The following TNFRSF10A variants were observed in gnomAD, a reference collection of about 807,000 sequenced individuals.
The protein encoded by TNFRSF10A is tumor necrosis factor receptor superfamily member 10A.
Under a neutral mutation model 42.8 loss-of-function variants are expected in TNFRSF10A, and 44 were observed. The ratio of observed to expected loss-of-function variants is 1.03; its 90% CI spans 0.81 to 1.32. The LOEUF is 1.32. Ranked by LOEUF, TNFRSF10A falls within the 40% of genes most tolerant of loss-of-function variation. The pLI is 0.00. For synonymous variants in TNFRSF10A, 259 were observed against 234.2 expected (o/e 1.11, Z -0.97); for missense variants, 680 against 602.0 (o/e 1.13, Z -1.36).
At chr8:23,207,090 C>T in intron 2 of TNFRSF10A, 1 of 540,962 alleles carries the variant, frequency 1.8e-6, no homozygotes, top group South Asian at 1.6e-5. Context: ...GGAGAGCACC[C>T]CCAGGAGAAA....
chr8:23,224,876 G>T lies in TNFRSF10A; in HGVS notation c.186C>A (p.His62Gln), dbSNP rs763963313. ...CTGCCCGGGCCCGGGCACTGGGTCC[G>T]TGCTGTCCCATGGAGGTAGGGAGCG... ...RGALPTSMGQHGPSARARAGR... is the reference protein window; with the variant it reads ...RGALPTSMGQQGPSARARAGR... The change falls in exon 1 of 10, where the codon CAC becomes CAA. Residue 62 changes from histidine (H) to glutamine (Q), a missense_variant. Physicochemically the swap from His to Gln is conservative, Grantham distance 24. Transcript: ENST00000221132. The T allele has an allele frequency of 6.3e-7, 1 of 1,581,576 alleles. No individual in the cohort carries two copies. The highest frequency in any genetic ancestry group is 1.1e-5 in the South Asian group (1 of 87,040).
chr8:23,192,043 G>C, intron 9 of TNFRSF10A, 30 bp from the exon 10 acceptor site: 2 of 1,590,380 alleles, frequency 1.3e-6, no homozygotes, highest in Non-Finnish European at 1.7e-6. Flanking sequence ...GAGACAGCCA[G>C]ATGAGTTGGG....
In TNFRSF10A at chr8:23,225,045, GC is replaced by G; in HGVS notation, c.16del (p.Ala6LeufsTer5). 1 of 1,533,058 alleles carries G rather than the reference GC, an allele frequency of 6.5e-7. No homozygotes were observed. Among genetic ancestry groups the G allele is most frequent in the Non-Finnish European group, 8.8e-7 (1 of 1,139,712 alleles). 95.0% of individuals were successfully genotyped at this position (1,533,058 alleles called of 1,614,324 possible). A position where few individuals can be genotyped will look rare whatever the true frequency, so the allele number is the denominator to read the frequency against. On this transcript the variant is annotated frameshift_variant, in exon 1 of 10. Coordinates refer to ENST00000221132, the MANE Select transcript of TNFRSF10A (RefSeq NM_003844.4). LOFTEE classifies it high-confidence loss of function. MAPPP[A>X]RVHLGAFLAV... ...CAGGAACGCACCTAGATGTACTCTA[GC>G]TGGTGGTGGCGCCATCCTGCCAGGT...
chr8:23,191,637 A>AT lies in TNFRSF10A; in HGVS notation c.*56_*57insA. The AT allele has an allele frequency of 6.8e-7, 1 of 1,479,732 alleles. No individual in the cohort carries two copies. Among genetic ancestry groups the AT allele is most frequent in the Non-Finnish European group, 8.9e-7 (1 of 1,122,610 alleles). 91.7% of individuals were successfully genotyped at this position (1,479,732 alleles called of 1,614,324 possible). A position where few individuals can be genotyped will look rare whatever the true frequency, so the allele number is the denominator to read the frequency against. ...TGTATACATGTTAAAAAAAAAAAAA[A>AT]CCTAATATGTATTAACTCCTAACAC... is the stretch of plus-strand genomic sequence containing the variant. On this transcript the variant is annotated 3_prime_UTR_variant, in exon 10 of 10. Coordinates refer to ENST00000221132, the MANE Select transcript of TNFRSF10A (RefSeq NM_003844.4).
chr8:23,224,787 A>G lies in TNFRSF10A; in HGVS notation c.275T>C (p.Phe92Ser), dbSNP rs1384624344. 24 of 1,569,512 alleles carry G rather than the reference A, an allele frequency of 1.5e-5. No homozygotes were observed. The highest frequency in any genetic ancestry group is 4.0e-5 in the African/African-American group (3 of 74,078). Reference protein sequence around the residue: ...ASPRLRVHKTFKFVVVGVLLQ... With the variant: ...ASPRLRVHKTSKFVVVGVLLQ... ...CAGGACCCCGACGACGACAAACTTG[A>G]AGGTCTTGTGGACCCGGAGCCGAGG... Residue 92 changes from phenylalanine (F) to serine (S), a missense_variant, in exon 1 of 10, where the codon TTC becomes TCC. Transcript: ENST00000221132.
chr8:23,223,752 T>G (rs1251746430), intron 1 of TNFRSF10A, among the ~76,000 whole-genome samples: 1 of 152,240 alleles, frequency 6.6e-6, no homozygotes, highest in Non-Finnish European at 1.5e-5. Context: ...TGGTAGAGCC[T>G]TAATGAACTT....
intron 8 of TNFRSF10A, among the ~76,000 whole-genome samples, chr8:23,197,496 G>T (rs1800843077): frequency 6.6e-6 from 1 of 152,084 alleles, no homozygotes; most frequent in Non-Finnish European, 1.5e-5. Flanking sequence ...CTCCTTATGA[G>T]AATCTTATGC....
At chr8:23,208,042 T>C (rs1050596395) in intron 2 of TNFRSF10A, among the ~76,000 whole-genome samples, 9 of 151,972 alleles carry the variant, frequency 5.9e-5, no homozygotes, top group Admixed American at 3.3e-4. Flanking sequence ...CAGACGAAGA[T>C]AGGAAAATGT....
chr8:23,203,641 G>A (rs1374461280), intron 2 of TNFRSF10A, among the ~76,000 whole-genome samples: 2 of 152,210 alleles, frequency 1.3e-5, no homozygotes, highest in East Asian at 3.8e-4. Context: ...GATATTGAAA[G>A]ATACTCTTAG....
At chr8:23,198,703 A>G (rs1225330711) in intron 8 of TNFRSF10A, among the ~76,000 whole-genome samples, 4 of 152,202 alleles carry the variant, frequency 2.6e-5, no homozygotes, top group Admixed American at 2.6e-4. Flanking sequence ...GGCTGTGTGC[A>G]TGTGTGTACC....
At chr8:23,195,965 TTTG>T (rs1327170451) in intron 9 of TNFRSF10A, among the ~76,000 whole-genome samples, 29 of 152,266 alleles carry the variant, frequency 1.9e-4, no homozygotes, top group Non-Finnish European at 3.7e-4. Flanking sequence ...AAAAGGTTTT[TTTG>T]TTGTTGTTGT....
intron 1 of TNFRSF10A, among the ~76,000 whole-genome samples, chr8:23,219,393 T>C (rs1483996814): frequency 2.2e-5 from 3 of 135,504 alleles, no homozygotes; most frequent in African/African-American, 8.1e-5. Context: ...TGGACTCTGC[T>C]AAGGAACCCT....
At chr8:23,217,892 G>A (rs1418440247) in intron 1 of TNFRSF10A, among the ~76,000 whole-genome samples, 1 of 152,218 alleles carries the variant, frequency 6.6e-6, no homozygotes, top group Admixed American at 6.5e-5. Context: ...GGCTGCCCAG[G>A]CAGAGGTGAC....
In TNFRSF10A at chr8:23,191,949, C is replaced by T; in HGVS notation, c.1152G>A (p.Met384Ile). The change falls in exon 10 of 10, where the codon ATG becomes ATA. Residue 384 changes from methionine to isoleucine, a missense_variant. Met to Ile is a conservative substitution (Grantham distance 10). Coordinates refer to ENST00000221132, the MANE Select transcript of TNFRSF10A (RefSeq NM_003844.4). ...IVPFDSWDQL[M>I]RQLDLTKNEI... is the part of the protein sequence containing the mutation. ...CATTTTTCGTGAGGTCCAGCTGCCT[C>T]ATGAGCTGGTCCCAGGAGTCAAAGG... The T allele has an allele frequency of 1.2e-6, 2 of 1,614,206 alleles. No homozygotes were observed. The highest frequency in any genetic ancestry group is 1.7e-6 in the Non-Finnish European group (2 of 1,180,046).
At position 23,201,808 on chromosome 8, in the gene TNFRSF10A, C is replaced by G; in HGVS notation, c.629G>C (p.Gly210Ala). The G allele has an allele frequency of 1.2e-6, 2 of 1,613,272 alleles. No individual in the cohort carries two copies. The highest frequency in any genetic ancestry group is 1.7e-6 in the Non-Finnish European group (2 of 1,179,956). The change falls in exon 4 of 10, where the codon GGG becomes GCG. Residue 210 changes from glycine to alanine, a missense_variant and splice_region_variant. By Grantham distance (60) the Gly-to-Ala change is moderately conservative. Transcript: ENST00000221132. The stretch of plus-strand genomic sequence containing the variant: ...GGGAGCCCCTTGGCTGTTGTCTCAC[C>G]CTCTGCTGCACTTCCGGCACATCTC... ...SAEMCRKCSR[G>A]CPRGMVKVKD...
At chr8:23,214,478 A>ACT (rs1442677612) in intron 1 of TNFRSF10A, among the ~76,000 whole-genome samples, 1 of 143,504 alleles carries the variant, frequency 7.0e-6, no homozygotes, top group African/African-American at 2.6e-5. Flanking sequence ...ACAGAGCCAG[A>ACT]CTGTCTCAAA....
At chr8:23,220,795 C>A (rs1283432043) in intron 1 of TNFRSF10A, among the ~76,000 whole-genome samples, 1 of 152,234 alleles carries the variant, frequency 6.6e-6, no homozygotes, top group East Asian at 1.9e-4. Flanking sequence ...AGCCTTGCTG[C>A]CCTGTCACTC....
Position 23,201,811 on chromosome 8 carries a change from C to T in TNFRSF10A, c.626G>A (p.Arg209Lys). 1.2e-6 allele frequency: 2 copies of T among 1,613,306 alleles called. No homozygotes were observed. Among genetic ancestry groups the T allele is most frequent in the Non-Finnish European group, 8.5e-7 (1 of 1,179,742 alleles). The change falls in exon 4 of 10, where the codon AGA (arginine) becomes AAA (lysine). Residue 209 changes from arginine to lysine, a missense_variant. Coordinates refer to ENST00000221132, the MANE Select transcript of TNFRSF10A (RefSeq NM_003844.4). ...AGCCCCTTGGCTGTTGTCTCACCCT[C>T]TGCTGCACTTCCGGCACATCTCAGC... ...NSAEMCRKCS[R>K]GCPRGMVKVK... is the part of the protein sequence containing the mutation.
chr8:23,214,156 C>T (rs1474044714), intron 1 of TNFRSF10A, among the ~76,000 whole-genome samples: 1 of 151,820 alleles, frequency 6.6e-6, no homozygotes, highest in Non-Finnish European at 1.5e-5. Context: ...TTCTAATTTC[C>T]CTTTTCATTT....
Sources: gnomAD v4.1 joint callset for allele counts (sites outside exome capture counted in the v4.1 genomes callset) on GRCh38, gnomAD v4.1.1 for gene constraint, MANE v1.5 for transcripts, NCBI Gene and HGNC (gene_info 2026-07-23, HGNC 2026-07-21) for gene names.